Variants in ZNF407 observed in about 807,000 individuals in gnomAD.
ZNF407 encodes zinc finger protein 407.
ZNF407 carries 17 observed loss-of-function variants against 131.2 expected under a neutral mutation model. The ratio of observed to expected loss-of-function variants is 0.13; its 90% CI spans 0.09 to 0.19. The LOEUF is 0.19. ZNF407 is among the 10% of genes least tolerant of loss of function. The probability of loss-of-function intolerance (pLI) is 1.00; values close to 1 mark genes in which losing one functional copy is unlikely to be tolerated. For synonymous variants in ZNF407, 1,156 were observed against 1,062.0 expected (o/e 1.09, Z -1.72); for missense variants, 2,681 against 2,830.6 (o/e 0.95, Z 1.20).
chr18:74,884,538 T>C (rs922768252), intron 6 of ZNF407, among the ~76,000 whole-genome samples: 1 of 152,170 alleles, frequency 6.6e-6, no homozygotes. Context: ...TTTGTGGCAT[T>C]ATATTTTTCC....
At chr18:74,762,137 A>G (rs1187578340) in intron 3 of ZNF407, among the ~76,000 whole-genome samples, 1 of 151,840 alleles carries the variant, frequency 6.6e-6, no homozygotes, top group Non-Finnish European at 1.5e-5. Flanking sequence ...CAAGATATTT[A>G]CTGTTTATCC....
In ZNF407 at chr18:74,993,329, T is replaced by A. The variant is rs141235810; in HGVS notation, c.5429-69821T>A. Among the ~76,000 whole-genome samples the A allele has an allele frequency of 1.3e-3, 200 of 152,294 alleles. 1 individual carries two copies. The highest frequency in any genetic ancestry group is 4.5e-3 in the African/African-American group (187 of 41,562). ...GTATTAGCAATAAAAATGAAGGCAC[T>A]ATGGATGCACTACATTATGGATGAG... On this transcript the variant is annotated intron_variant, in intron 8 of 8. Coordinates refer to ENST00000299687, the MANE Select transcript of ZNF407 (RefSeq NM_017757.3).
chr18:75,059,579 A>G (rs1048727573), intron 8 of ZNF407, among the ~76,000 whole-genome samples: 1 of 152,144 alleles, frequency 6.6e-6, no homozygotes, highest in Non-Finnish European at 1.5e-5. Context: ...CTGGGTAGAA[A>G]AGTAGGGTTG....
intron 8 of ZNF407, among the ~76,000 whole-genome samples, chr18:74,989,484 A>G (rs1003121199): frequency 6.6e-6 from 1 of 152,374 alleles, no homozygotes; most frequent in Middle Eastern, 3.4e-3. Context: ...GAGAAAGGGC[A>G]CATGCCAAGA....
intron 4 of ZNF407, among the ~76,000 whole-genome samples, chr18:74,875,807 T>A (rs905869750): frequency 6.6e-6 from 1 of 152,172 alleles, no homozygotes; most frequent in Non-Finnish European, 1.5e-5. Context: ...ATAAATAAAT[T>A]GGCAATTTTA....
At chr18:74,981,599 A>G (rs980009518) in intron 8 of ZNF407, among the ~76,000 whole-genome samples, 2 of 152,176 alleles carry the variant, frequency 1.3e-5, no homozygotes, top group African/African-American at 2.4e-5. Context: ...GAGGGAGACT[A>G]TGAGGCTAGA....
intron 3 of ZNF407, among the ~76,000 whole-genome samples, chr18:74,771,317 T>C (rs515453): frequency 0.016 from 2,409 of 152,246 alleles, 71 homozygotes; most frequent in African/African-American, 0.054. Context: ...ATCATAGTTT[T>C]CCCCCTTTGT....
chr18:74,958,709 T>C (rs532205668), intron 8 of ZNF407, among the ~76,000 whole-genome samples: 1 of 152,304 alleles, frequency 6.6e-6, no homozygotes, highest in Non-Finnish European at 1.5e-5. Flanking sequence ...CATATAAACA[T>C]TGGCATAAAG....
At chr18:74,829,548 G>A (rs80029091) in intron 4 of ZNF407, among the ~76,000 whole-genome samples, 7 of 152,180 alleles carry the variant, frequency 4.6e-5, no homozygotes, top group African/African-American at 7.2e-5. Flanking sequence ...GTGAGTGAAG[G>A]GGAACAGAGA....
chr18:74,941,418 C>A (rs1302936460), intron 8 of ZNF407, among the ~76,000 whole-genome samples: 2 of 152,184 alleles, frequency 1.3e-5, no homozygotes, highest in African/African-American at 4.8e-5. Flanking sequence ...TCCACAGGAA[C>A]CTGCTTTCAT....
rs574894253 is a variant in ZNF407 at position 74,627,583 on chromosome 18, G to A, written c.-53-3384G>A. ...CAGGCTCAAGTGGTCTGCCCACCTT[G>A]GCCTTCCAAAGTGCTGAGATTACAG... On this transcript the variant is annotated intron_variant, in intron 1 of 8. Coordinates refer to ENST00000299687, the MANE Select transcript of ZNF407 (RefSeq NM_017757.3). Among the ~76,000 whole-genome samples, 120 of 151,396 alleles carry A rather than the reference G, an allele frequency of 7.9e-4. 1 individual carries two copies. Among genetic ancestry groups the A allele is most frequent in the African/African-American group, 2.9e-3 (119 of 41,222 alleles).
chr18:74,867,654 T>C (rs1181118281), intron 4 of ZNF407, among the ~76,000 whole-genome samples: 1 of 152,230 alleles, frequency 6.6e-6, no homozygotes, highest in Non-Finnish European at 1.5e-5. Flanking sequence ...CCATCGGGTT[T>C]ATTAGTAAAG....
intron 3 of ZNF407, among the ~76,000 whole-genome samples, chr18:74,674,705 T>C (rs1369933789): frequency 6.6e-6 from 1 of 152,184 alleles, no homozygotes; most frequent in African/African-American, 2.4e-5. Flanking sequence ...ATTAGTAAAC[T>C]TTTCTGACAA....
At chr18:75,005,614 A>G (rs1387085215) in intron 8 of ZNF407, among the ~76,000 whole-genome samples, 2 of 151,984 alleles carry the variant, frequency 1.3e-5, no homozygotes, top group African/African-American at 4.8e-5. Flanking sequence ...GTAATTATTC[A>G]TCCACATTTC....
intron 8 of ZNF407, among the ~76,000 whole-genome samples, chr18:74,939,319 A>G (rs570059139): frequency 6.6e-6 from 1 of 152,342 alleles, no homozygotes; most frequent in East Asian, 1.9e-4. Flanking sequence ...GTCTTTATAT[A>G]TTGACAGATA....
chr18:74,699,404 C>T (rs1224684213), intron 3 of ZNF407, among the ~76,000 whole-genome samples: 1 of 152,088 alleles, frequency 6.6e-6, no homozygotes, highest in East Asian at 1.9e-4. Context: ...GTGCTGGGGT[C>T]TGATAACTGA....
chr18:74,802,587 G>T (rs1048553653), intron 4 of ZNF407, among the ~76,000 whole-genome samples: 1 of 152,096 alleles, frequency 6.6e-6, no homozygotes, highest in African/African-American at 2.4e-5. Context: ...TTTCTAATTT[G>T]CTTTGCTTCA....
At chr18:74,769,207 C>A (rs1390500432) in intron 3 of ZNF407, among the ~76,000 whole-genome samples, 1 of 152,136 alleles carries the variant, frequency 6.6e-6, no homozygotes, top group Non-Finnish European at 1.5e-5. Context: ...TTGCCCTGAC[C>A]CTCAGTGATA....
Position 74,635,789 on chromosome 18 carries a change from G to A in ZNF407, c.4687+83G>A, listed in dbSNP as rs1033883640. 347 of 1,502,628 alleles carry A rather than the reference G, an allele frequency of 2.3e-4. No homozygotes were observed. The highest frequency in any genetic ancestry group is 2.8e-4 in the Non-Finnish European group (318 of 1,126,614). The allele number at this position is 1,502,628 out of a possible 1,614,324, so 93.1% of individuals were successfully genotyped here. A position where few individuals can be genotyped will look rare whatever the true frequency, so the allele number is the denominator to read the frequency against. The stretch of plus-strand genomic sequence containing the variant: ...CAGATATGCAGCCCTACCTGTGGCT[G>A]CTCATTGGCTTTCCACCCGGTTCAC... On this transcript the variant is annotated intron_variant, in intron 2 of 8. Coordinates refer to ENST00000299687, the MANE Select transcript of ZNF407 (RefSeq NM_017757.3). This position sits in a 1 kb window ranked among gnomAD's most constrained non-coding sequence, Gnocchi z 4.7.
Sources: allele counts gnomAD v4.1 joint callset (sites outside exome capture counted in the v4.1 genomes callset), GRCh38; gene constraint gnomAD v4.1.1; non-coding constraint Gnocchi (gnomAD v3.1); transcripts MANE v1.5; gene names NCBI Gene and HGNC (gene_info 2026-07-23, HGNC 2026-07-21).